Variants in LAMA2 observed in about 807,000 individuals in gnomAD.
LAMA2 encodes laminin subunit alpha-2.
LAMA2 carries 269 observed loss-of-function variants against 364.8 expected under a neutral mutation model. That is an observed-to-expected ratio of 0.74 (90% CI 0.67 to 0.82). The LOEUF (loss-of-function observed/expected upper bound fraction) is 0.82, where lower values mean the gene tolerates loss of function less well. Among genes scored for constraint, LAMA2 ranks in the 40% least tolerant of loss-of-function variants. The pLI is 0.00. For synonymous variants in LAMA2, 1,379 were observed against 1,370.6 expected, an observed-to-expected ratio of 1.01 and a Z score of -0.14; for missense variants, 3,807 against 3,873.2, an observed-to-expected ratio of 0.98 and a Z score of 0.45.
intron 4 of LAMA2, among the ~76,000 whole-genome samples, chr6:129,113,895 T>G (rs1330304016): frequency 1.3e-5 from 2 of 151,974 alleles, no homozygotes; most frequent in Admixed American, 1.3e-4. Flanking sequence ...AGAGGAGAGA[T>G]AGTTTGGAAC....
intron 14 of LAMA2, among the ~76,000 whole-genome samples, chr6:129,252,952 C>T (rs941747479): frequency 1.3e-5 from 2 of 152,114 alleles, no homozygotes; most frequent in Non-Finnish European, 1.5e-5. Context: ...GCCTACTTTT[C>T]AGGGTCTTTG....
chr6:129,087,439 A>C (rs891192272), intron 3 of LAMA2, among the ~76,000 whole-genome samples: 1 of 152,174 alleles, frequency 6.6e-6, no homozygotes, highest in Admixed American at 6.5e-5. Context: ...GTTGGAGAGA[A>C]ATTCAGTTAG....
At chr6:129,146,541 A>G (rs1378854919) in intron 5 of LAMA2, among the ~76,000 whole-genome samples, 2 of 152,052 alleles carry the variant, frequency 1.3e-5, no homozygotes, top group Non-Finnish European at 1.5e-5. Flanking sequence ...CAAATCCATC[A>G]AGTAAAACAG....
At chr6:129,177,135 A>T (rs1394069417) in intron 9 of LAMA2, among the ~76,000 whole-genome samples, 2 of 152,224 alleles carry the variant, frequency 1.3e-5, no homozygotes, top group East Asian at 3.8e-4. Flanking sequence ...TAAAAAAGTA[A>T]ATTTAAACTT....
intron 1 of LAMA2, among the ~76,000 whole-genome samples, chr6:129,017,244 A>G (rs1293256814): frequency 6.6e-6 from 1 of 152,020 alleles, no homozygotes; most frequent in African/African-American, 2.4e-5. Flanking sequence ...TGATTTTTAT[A>G]AAGTTCAGCA....
intron 61 of LAMA2, among the ~76,000 whole-genome samples, chr6:129,505,840 G>GT (rs1311451778): frequency 1.1e-4 from 16 of 151,946 alleles, no homozygotes; most frequent in Non-Finnish European, 2.9e-5. Context: ...CTGACAGAAG[G>GT]TTTTTTAGAT....
chr6:128,963,667 C>T (rs1200039442), intron 1 of LAMA2, among the ~76,000 whole-genome samples: 1 of 152,104 alleles, frequency 6.6e-6, no homozygotes, highest in Non-Finnish European at 1.5e-5. Context: ...CTCTGTTATC[C>T]CAGCTTCTAA....
In LAMA2 at chr6:129,135,073, G is replaced by C. The variant is rs945096535; in HGVS notation, c.640-8828G>C. Among the ~76,000 whole-genome samples the C allele has an allele frequency of 2.0e-5, 3 of 152,230 alleles. No individual in the cohort carries two copies. The Middle Eastern group carries it at 0.01, about 518-fold the overall frequency. On this transcript the variant is annotated intron_variant, in intron 4 of 64. Transcript: ENST00000421865. Reference sequence around the variant, plus strand: ...AGGGCACGGTAAAAAGTCTACCCCAGGAAGCCTAGAATGGATAGAATACAA... The same window carrying C: ...AGGGCACGGTAAAAAGTCTACCCCACGAAGCCTAGAATGGATAGAATACAA...
intron 4 of LAMA2, among the ~76,000 whole-genome samples, chr6:129,107,612 C>CAAT (rs201586144): frequency 1.3e-5 from 2 of 151,994 alleles, no homozygotes; most frequent in African/African-American, 2.4e-5. Context: ...AAAACCACAA[C>CAAT]AATAATAATA....
chr6:129,035,500 G>A (rs868029736), intron 1 of LAMA2, among the ~76,000 whole-genome samples: 15 of 130,340 alleles, frequency 1.2e-4, no homozygotes, highest in South Asian at 7.3e-4. Context: ...TGCAAACGCC[G>A]TTTAGTTTAA....
At chr6:128,997,854 G>A (rs1232970821) in intron 1 of LAMA2, among the ~76,000 whole-genome samples, 1 of 152,156 alleles carries the variant, frequency 6.6e-6, no homozygotes, top group Non-Finnish European at 1.5e-5. Flanking sequence ...TCCAGTGTGT[G>A]TTGTATAAAT....
At chr6:128,962,881 G>A (rs1195056887) in intron 1 of LAMA2, among the ~76,000 whole-genome samples, 1 of 152,086 alleles carries the variant, frequency 6.6e-6, no homozygotes, top group African/African-American at 2.4e-5. Context: ...TTCTCAAAAG[G>A]CAAAGGAAAA....
chr6:129,514,350 CTG>C (rs1262523196), intron 63 of LAMA2, 21 bp from the exon 64 acceptor site: 8 of 1,518,620 alleles, frequency 5.3e-6, no homozygotes, highest in Non-Finnish European at 6.4e-6. Context: ...CCATCTGTGA[CTG>C]TTCTATTTCC....
At chr6:129,314,574 T>C in intron 23 of LAMA2, 81 bp from the exon 24 acceptor site, 2 of 1,314,876 alleles carry the variant, frequency 1.5e-6, no homozygotes, top group Non-Finnish European at 1.1e-6. Context: ...AAAAAGAGTA[T>C]GCTCCCGTTA....
intron 1 of LAMA2, among the ~76,000 whole-genome samples, chr6:128,908,515 T>A (rs1387763552): frequency 2.0e-5 from 3 of 147,682 alleles, no homozygotes; most frequent in African/African-American, 7.5e-5. Flanking sequence ...GTCTATTTGA[T>A]TCTTCTCTCT....
intron 29 of LAMA2, 121 bp downstream of exon 29, chr6:129,328,533 A>C: frequency 6.7e-7 from 1 of 1,486,668 alleles, no homozygotes; most frequent in Non-Finnish European, 9.3e-7. Context: ...TGTGAAATAA[A>C]ATATGTAAGG....
intron 47 of LAMA2, among the ~76,000 whole-genome samples, 191 bp from the exon 48 acceptor site, chr6:129,456,144 A>G (rs1052775048): frequency 6.6e-6 from 1 of 152,150 alleles, no homozygotes; most frequent in African/African-American, 2.4e-5. Flanking sequence ...TTGAGCCAAG[A>G]TCAGACTCTG....
chr6:129,492,284 TA>T lies in LAMA2; in HGVS notation c.8076-24del, dbSNP rs142431635. 17 of 1,605,788 alleles carry T rather than the reference TA, an allele frequency of 1.1e-5. No homozygotes were observed. The African/African-American group carries it at 1.9e-4, about 18-fold the overall frequency. On this transcript the variant is annotated intron_variant, in intron 57 of 64. Coordinates refer to ENST00000421865, the MANE Select transcript of LAMA2 (RefSeq NM_000426.4). ...TTGTAAGGAAGCAAAAAAACGAAAA[TA>T]AAAAAATCTTATTTATTACATTCTA...
chr6:129,457,658 T>A (rs964509480), intron 48 of LAMA2, among the ~76,000 whole-genome samples: 1 of 152,124 alleles, frequency 6.6e-6, no homozygotes, highest in African/African-American at 2.4e-5. Flanking sequence ...AATTAACTTG[T>A]TTAATTTTTA....
Sources: gnomAD v4.1 joint callset for allele counts (sites outside exome capture counted in the v4.1 genomes callset) on GRCh38, gnomAD v4.1.1 for gene constraint, MANE v1.5 for transcripts, NCBI Gene and HGNC (gene_info 2026-07-23, HGNC 2026-07-21) for gene names.